Variants in ATP11A observed in about 807,000 individuals in gnomAD.
The protein encoded by ATP11A is ATPase phospholipid transporting 11A.
A neutral mutation model predicts 154.4 loss-of-function variants in ATP11A; 81 were observed. The observed-to-expected ratio is 0.52, with a 90% confidence interval of 0.44 to 0.63. The LOEUF is 0.63. Among genes scored for constraint, ATP11A ranks in the 30% least tolerant of loss-of-function variants. The pLI, the probability that ATP11A is intolerant of heterozygous loss-of-function variation, is 0.00. For missense variants in ATP11A, 1,316 were observed against 1,474.3 expected, an observed-to-expected ratio of 0.89 and a Z score of 1.76; for synonymous variants, 623 against 585.9, an observed-to-expected ratio of 1.06 and a Z score of -0.91.
chr13:112,783,713 C>A (rs1010666382), intron 1 of ATP11A, among the ~76,000 whole-genome samples: 1 of 152,236 alleles, frequency 6.6e-6, no homozygotes, highest in African/African-American at 2.4e-5. Flanking sequence ...GCCCCGTATT[C>A]CGAGGTGGGC....
chr13:112,783,492 C>A (rs1342118371), intron 1 of ATP11A, among the ~76,000 whole-genome samples: 3 of 152,244 alleles, frequency 2.0e-5, no homozygotes, highest in South Asian at 2.1e-4. Flanking sequence ...GGGAAACTGT[C>A]CCCGTGCCTG....
rs1375969380 is a variant in ATP11A at position 112,843,812 on chromosome 13, G to A, written c.1809+1433G>A. Among the ~76,000 whole-genome samples the A allele has an allele frequency of 3.3e-5, 5 of 152,342 alleles. No individual in the cohort carries two copies. In the East Asian group the frequency reaches 7.7e-4, roughly 24 times the overall value. ...CCTGTGAACTTCGTGGAATGCTGTCGACGTGCGGATCATCATCTTTACGTT... is the reference window on the plus strand; with the variant it reads ...CCTGTGAACTTCGTGGAATGCTGTCAACGTGCGGATCATCATCTTTACGTT... On this transcript the variant is annotated intron_variant, in intron 17 of 29. Coordinates refer to ENST00000375645, the MANE Select transcript of ATP11A (RefSeq NM_015205.3).
chr13:112,860,702 G>A (rs982562294), intron 24 of ATP11A: 3 of 284,964 alleles, frequency 1.1e-5, no homozygotes, highest in African/African-American at 6.3e-5. Context: ...TGGGGTACAA[G>A]CGTCTTCCTC....
At chr13:112,718,487 A>G (rs1888756143) in intron 1 of ATP11A, among the ~76,000 whole-genome samples, 1 of 152,132 alleles carries the variant, frequency 6.6e-6, no homozygotes, top group Non-Finnish European at 1.5e-5. Flanking sequence ...ATACCCCCAG[A>G]GGGCAGCCGC....
At chr13:112,692,205 C>T (rs543705035) in intron 1 of ATP11A, among the ~76,000 whole-genome samples, 1 of 152,134 alleles carries the variant, frequency 6.6e-6, no homozygotes. Context: ...TTCCTTCGAG[C>T]GAAATGGAAG....
At chr13:112,867,401 C>T (rs562747826) in intron 25 of ATP11A, among the ~76,000 whole-genome samples, 12 of 152,196 alleles carry the variant, frequency 7.9e-5, no homozygotes, top group African/African-American at 1.7e-4. Context: ...TGTGAACGTG[C>T]CTCCCAAGAG....
At chr13:112,815,572 G>T (rs1056497389) in intron 5 of ATP11A, among the ~76,000 whole-genome samples, 5 of 152,212 alleles carry the variant, frequency 3.3e-5, no homozygotes, top group African/African-American at 1.2e-4. Context: ...ACACAAACTA[G>T]ACCATGACCT....
intron 1 of ATP11A, among the ~76,000 whole-genome samples, chr13:112,709,671 C>T (rs1887521971): frequency 6.6e-6 from 1 of 152,170 alleles, no homozygotes; most frequent in African/African-American, 2.4e-5. Context: ...CTGGAAGCCC[C>T]TCGCTTTGAG....
intron 16 of ATP11A, among the ~76,000 whole-genome samples, chr13:112,837,811 A>G (rs947361037): frequency 1.3e-5 from 2 of 151,910 alleles, no homozygotes; most frequent in East Asian, 3.9e-4. Context: ...ATGGTGCCTC[A>G]CTTCCTAAGA....
rs1399452105 is a variant in ATP11A at position 112,798,191 on chromosome 13, G to C, written c.163-6766G>C. ...CTTGAAGGCCCCGCCTCCTGGGACC[G>C]TGACTAGTTGTCACATTGGCAACAC... On this transcript the variant is annotated intron_variant, in intron 2 of 29. Transcript: ENST00000375645. Among the ~76,000 whole-genome samples, 6 of 152,372 alleles carry C rather than the reference G, an allele frequency of 3.9e-5. No individual in the cohort carries two copies. The Middle Eastern group carries it at 0.017, about 432-fold the overall frequency.
intron 1 of ATP11A, among the ~76,000 whole-genome samples, chr13:112,784,317 G>C (rs1471337113): frequency 6.6e-6 from 1 of 152,140 alleles, no homozygotes; most frequent in Non-Finnish European, 1.5e-5. Context: ...TATTCACACC[G>C]CGGGCATGTC....
chr13:112,810,877 C>T, intron 5 of ATP11A, 151 bp downstream of exon 5: 1 of 665,192 alleles, frequency 1.5e-6, no homozygotes, highest in Non-Finnish European at 2.6e-6. Flanking sequence ...GGAGGCCACT[C>T]AGGAGGCTTC....
At position 112,690,380 on chromosome 13, in the gene ATP11A, G is replaced by A. The variant is rs1356471779; in HGVS notation, c.-37G>A. 7.9e-7 allele frequency: 1 copy of A among 1,265,546 alleles called. No individual in the cohort carries two copies. 78.4% of individuals were successfully genotyped at this position (1,265,546 alleles called of 1,614,324 possible). A position where few individuals can be genotyped will look rare whatever the true frequency, so the allele number is the denominator to read the frequency against. Reference sequence around the variant, plus strand: ...ATGGGCGCGCCGAGCCGGGCGCGGGGGCGCTGAACGGCGGAGCGGGAGCGG... The same window carrying A: ...ATGGGCGCGCCGAGCCGGGCGCGGGAGCGCTGAACGGCGGAGCGGGAGCGG... On this transcript the variant is annotated 5_prime_UTR_variant, in exon 1 of 30. Transcript: ENST00000375645. This position sits in a 1 kb window ranked among gnomAD's most constrained non-coding sequence, Gnocchi z 5.6.
chr13:112,810,749 A>T, intron 5 of ATP11A, 23 bp downstream of exon 5: 1 of 1,602,172 alleles, frequency 6.2e-7, no homozygotes. Context: ...CGACACATTT[A>T]CGCTGGTGAA....
At chr13:112,802,831 G>A (rs545739789) in intron 2 of ATP11A, among the ~76,000 whole-genome samples, 2 of 152,286 alleles carry the variant, frequency 1.3e-5, no homozygotes, top group African/African-American at 2.4e-5. Context: ...ATTAAAATAT[G>A]AGCCACTGAC....
intron 3 of ATP11A, among the ~76,000 whole-genome samples, chr13:112,805,439 C>G (rs1008356651): frequency 3.3e-5 from 5 of 152,052 alleles, no homozygotes; most frequent in African/African-American, 9.7e-5. Flanking sequence ...GCCTGTAATC[C>G]CAGCACTCTG....
intron 29 of ATP11A, chr13:112,880,390 C>T (rs1594266958): frequency 1.9e-6 from 1 of 518,324 alleles, no homozygotes; most frequent in East Asian, 1.0e-4. Flanking sequence ...CGCCCCAAGC[C>T]CTCGCCCTGG....
intron 1 of ATP11A, among the ~76,000 whole-genome samples, chr13:112,758,124 C>T (rs577134657): frequency 2.0e-5 from 3 of 152,322 alleles, no homozygotes; most frequent in African/African-American, 7.2e-5. Context: ...TGCAGTGGCA[C>T]GATCTCGGCT....
At chr13:112,811,229 C>A (rs1267581905) in intron 5 of ATP11A, among the ~76,000 whole-genome samples, 3 of 150,444 alleles carry the variant, frequency 2.0e-5, no homozygotes, top group Non-Finnish European at 4.4e-5. Flanking sequence ...CAGCATCCCA[C>A]ACCAGGATTG....
Sources: allele counts gnomAD v4.1 joint callset (sites outside exome capture counted in the v4.1 genomes callset), GRCh38; gene constraint gnomAD v4.1.1; non-coding constraint Gnocchi (gnomAD v3.1); transcripts MANE v1.5; gene names NCBI Gene and HGNC (gene_info 2026-07-23, HGNC 2026-07-21).